The following CWC27 variants were observed in gnomAD, a reference collection of about 807,000 sequenced individuals.
The protein encoded by CWC27 is CWC27 spliceosome associated cyclophilin.
A neutral mutation model predicts 63.6 loss-of-function variants in CWC27; 47 were observed. The observed-to-expected ratio is 0.74, with a 90% CI of 0.58 to 0.94. The LOEUF is 0.94. CWC27 is among the 40% of genes least tolerant of loss of function. CWC27 has a pLI of 0.00. For synonymous variants in CWC27, 175 were observed against 179.8 expected, an observed-to-expected ratio of 0.97 and a Z score of 0.22; for missense variants, 495 against 554.3, an observed-to-expected ratio of 0.89 and a Z score of 1.07.
intron 10 of CWC27, among the ~76,000 whole-genome samples, chr5:64,816,147 G>A (rs1745021444): frequency 6.6e-6 from 1 of 152,138 alleles, no homozygotes; most frequent in South Asian, 2.1e-4. Flanking sequence ...TTGCAGTTGA[G>A]TTCTTCAGAA....
At chr5:64,897,968 T>C (rs1040461662) in intron 11 of CWC27, among the ~76,000 whole-genome samples, 1 of 152,170 alleles carries the variant, frequency 6.6e-6, no homozygotes, top group Non-Finnish European at 1.5e-5. Flanking sequence ...ATTCTCTCAG[T>C]AACTGATTAA....
intron 13 of CWC27, among the ~76,000 whole-genome samples, chr5:64,992,689 G>A (rs931440161): frequency 2.3e-5 from 3 of 129,634 alleles, no homozygotes; most frequent in Non-Finnish European, 5.0e-5. Flanking sequence ...CCGCCACCAC[G>A]CCTGGCTAAT....
chr5:64,833,571 GT>G (rs1745584861), intron 10 of CWC27, among the ~76,000 whole-genome samples: 1 of 151,712 alleles, frequency 6.6e-6, no homozygotes, highest in African/African-American at 2.4e-5. Flanking sequence ...AATCTTAGAA[GT>G]TAAACAACCA....
chr5:64,967,317 T>C (rs534927423), intron 11 of CWC27, among the ~76,000 whole-genome samples: 25 of 152,134 alleles, frequency 1.6e-4, no homozygotes, highest in African/African-American at 6.0e-4. Context: ...AGTAAAACTT[T>C]GATAGATTCA....
chr5:64,807,019 G>C (rs1010288710), intron 10 of CWC27, among the ~76,000 whole-genome samples: 1 of 152,134 alleles, frequency 6.6e-6, no homozygotes. Context: ...CTCAGTTTGA[G>C]TTATAATGGG....
At chr5:64,830,775 C>G (rs1745496887) in intron 10 of CWC27, among the ~76,000 whole-genome samples, 1 of 152,120 alleles carries the variant, frequency 6.6e-6, no homozygotes, top group South Asian at 2.1e-4. Flanking sequence ...AGGATATGAA[C>G]AGACACTTCT....
At chr5:64,961,059 T>A (rs1748899845) in intron 11 of CWC27, among the ~76,000 whole-genome samples, 1 of 152,200 alleles carries the variant, frequency 6.6e-6, no homozygotes, top group African/African-American at 2.4e-5. Context: ...TAACATTGGT[T>A]CATTAGGTAG....
intron 11 of CWC27, among the ~76,000 whole-genome samples, chr5:64,970,581 C>T (rs1749106725): frequency 6.6e-6 from 1 of 152,160 alleles, no homozygotes; most frequent in African/African-American, 2.4e-5. Context: ...ACTCTTTATA[C>T]TAGTCTTTAC....
rs1327089472 is a variant in CWC27, at chr5:64,990,334, G to A, written c.1256+13096G>A. ...GGCTGGAGTGCAGTGGCGGGATCTC[G>A]GCTCACTGCAAGCTCCGCCTCCCGG... On this transcript the variant is annotated intron_variant, in intron 13 of 13. Coordinates refer to ENST00000381070, the MANE Select transcript of CWC27 (RefSeq NM_005869.4). 2.8e-3 allele frequency among the ~76,000 whole-genome samples: 122 copies of A among 44,290 alleles called. 18 individuals are homozygous for A. Among genetic ancestry groups the A allele is most frequent in the African/African-American group, 0.011 (115 of 10,284 alleles). The allele number at this position is 44,290 out of a possible 152,430, so 29.1% of individuals were successfully genotyped here.
At chr5:64,804,105 A>G in intron 9 of CWC27, 124 bp from the exon 10 acceptor site, 1 of 873,472 alleles carries the variant, frequency 1.1e-6, no homozygotes, top group Non-Finnish European at 1.6e-6. Context: ...AAAACAAAAG[A>G]AAACAAAATA....
At chr5:64,990,734 G>A (rs1384222636) in intron 13 of CWC27, among the ~76,000 whole-genome samples, 2 of 152,130 alleles carry the variant, frequency 1.3e-5, no homozygotes, top group African/African-American at 4.8e-5. Context: ...AATAACTCTA[G>A]ACAACATGCT....
chr5:64,968,283 G>A (rs1008086671), intron 11 of CWC27, among the ~76,000 whole-genome samples: 1 of 152,036 alleles, frequency 6.6e-6, no homozygotes, highest in African/African-American at 2.4e-5. Context: ...CGAGTGGAAT[G>A]ATGCAGCCAA....
At chr5:64,844,761 C>T (rs1361101700) in intron 10 of CWC27, among the ~76,000 whole-genome samples, 2 of 152,186 alleles carry the variant, frequency 1.3e-5, no homozygotes, top group East Asian at 3.9e-4. Context: ...TCCACTTTCA[C>T]GCATCTTAGA....
chr5:64,976,802 A>G (rs1205189250), intron 12 of CWC27, among the ~76,000 whole-genome samples: 2 of 152,174 alleles, frequency 1.3e-5, no homozygotes, highest in Non-Finnish European at 2.9e-5. Flanking sequence ...TTGGCCTCCC[A>G]GAGTGCTGGG....
rs13181703 is a variant in CWC27, at chr5:64,885,700, T to G, written c.1042+154T>G. Among the ~76,000 whole-genome samples, 24 of 129,890 alleles carry G rather than the reference T, an allele frequency of 1.8e-4. No homozygotes were observed. The highest frequency in any genetic ancestry group is 4.1e-4 in the African/African-American group (14 of 33,892). 85.2% of individuals were successfully genotyped at this position (129,890 alleles called of 152,430 possible). On this transcript the variant is annotated intron_variant, in intron 11 of 13. Coordinates refer to ENST00000381070, the MANE Select transcript of CWC27 (RefSeq NM_005869.4). ...TCTTTCCCTCCCTCTTGAGTTAGGGTGTGTGTGTGTGTGTGTGTGTGTGTG... is the reference window on the plus strand; with the variant it reads ...TCTTTCCCTCCCTCTTGAGTTAGGGGGTGTGTGTGTGTGTGTGTGTGTGTG...
intron 11 of CWC27, among the ~76,000 whole-genome samples, chr5:64,938,738 A>G (rs940759523): frequency 1.3e-5 from 2 of 152,228 alleles, no homozygotes; most frequent in African/African-American, 4.8e-5. Flanking sequence ...ACTTTCAGGT[A>G]CACCAGTCAA....
In CWC27 at chr5:64,977,463, A is replaced by AT. The variant is rs374395905; in HGVS notation, c.1256+227dup. On this transcript the variant is annotated intron_variant, in intron 13 of 13. Coordinates refer to ENST00000381070, the MANE Select transcript of CWC27 (RefSeq NM_005869.4). ...TTATTGAGCACTTGATGTGTCCGGC[A>AT]TTGTGCTAGTCAGTAAAAAATGCAC... Among the ~76,000 whole-genome samples, 225 of 152,344 alleles carry AT rather than the reference A, an allele frequency of 1.5e-3. 1 individual carries two copies. The highest frequency in any genetic ancestry group is 5.3e-3 in the African/African-American group (219 of 41,586).
chr5:64,823,513 C>T (rs1013626898), intron 10 of CWC27, among the ~76,000 whole-genome samples: 11 of 152,180 alleles, frequency 7.2e-5, no homozygotes, highest in Non-Finnish European at 1.5e-4. Context: ...TAGCTATTAT[C>T]CTTCATAAGC....
chr5:64,901,383 G>A (rs973811013), intron 11 of CWC27, among the ~76,000 whole-genome samples: 3 of 151,688 alleles, frequency 2.0e-5, no homozygotes, highest in East Asian at 3.9e-4. Context: ...GCGTGAACCC[G>A]GGAGGTGGAA....
Sources: allele counts gnomAD v4.1 joint callset (sites outside exome capture counted in the v4.1 genomes callset), GRCh38; gene constraint gnomAD v4.1.1; transcripts MANE v1.5; gene names NCBI Gene and HGNC (gene_info 2026-07-23, HGNC 2026-07-21).